Variants in YEATS2 observed in about 807,000 individuals in gnomAD.
YEATS2 encodes YEATS domain-containing protein 2.
A neutral mutation model predicts 163.2 loss-of-function variants in YEATS2; 77 were observed. The ratio of observed to expected loss-of-function variants is 0.47; its 90% CI spans 0.39 to 0.57. The LOEUF (loss-of-function observed/expected upper bound fraction) is 0.57, where lower values mean the gene tolerates loss of function less well. YEATS2 is among the 20% of genes least tolerant of loss of function. The pLI is 0.00. For synonymous variants in YEATS2, 631 were observed against 645.1 expected (o/e 0.98, Z 0.33); for missense variants, 1,549 against 1,729.8 (o/e 0.90, Z 1.85).
At chr3:183,807,931 A>G (rs2108540390) in intron 28 of YEATS2, 99 bp from the exon 29 acceptor site, 1 of 970,194 alleles carries the variant, frequency 1.0e-6, no homozygotes, top group Admixed American at 2.3e-5. Context: ...CCTCCTTCCA[A>G]CCAGGCATCG....
intron 1 of YEATS2, among the ~76,000 whole-genome samples, chr3:183,707,864 C>CG (rs2108986538): frequency 6.6e-6 from 1 of 151,662 alleles, no homozygotes; most frequent in African/African-American, 2.4e-5. Context: ...TTGGTAGAGA[C>CG]GGGGTTTCAC....
intron 8 of YEATS2, among the ~76,000 whole-genome samples, chr3:183,738,366 A>G (rs1718570552): frequency 5.9e-5 from 9 of 151,422 alleles, no homozygotes; most frequent in Admixed American, 5.9e-4. Flanking sequence ...CCAAACAGCC[A>G]AGTTGTAAAT....
chr3:183,725,065 A>G (rs1013293972), intron 6 of YEATS2, among the ~76,000 whole-genome samples: 20 of 27,432 alleles, frequency 7.3e-4, no homozygotes, highest in Admixed American at 1.6e-3. Context: ...TTTTTTTTTT[A>G]TCGTTTTATT....
intron 7 of YEATS2, among the ~76,000 whole-genome samples, chr3:183,731,253 C>T (rs1323512107): frequency 2.0e-5 from 3 of 147,118 alleles, no homozygotes; most frequent in Non-Finnish European, 4.4e-5. Context: ...GAGCCAAGAT[C>T]GTGCCACTGC....
chr3:183,792,666 C>T (rs926547529), intron 21 of YEATS2, among the ~76,000 whole-genome samples: 2 of 152,042 alleles, frequency 1.3e-5, no homozygotes, highest in Non-Finnish European at 2.9e-5. Flanking sequence ...TACAGGCACC[C>T]GCCCTCATGC....
chr3:183,709,444 C>T (rs1482331854), intron 1 of YEATS2, among the ~76,000 whole-genome samples: 2 of 149,696 alleles, frequency 1.3e-5, no homozygotes, highest in East Asian at 2.1e-4. Flanking sequence ...AGGAGATTCT[C>T]GTGCCTCAGC....
At chr3:183,791,187 C>T (rs1373352007) in intron 21 of YEATS2, among the ~76,000 whole-genome samples, 2 of 152,222 alleles carry the variant, frequency 1.3e-5, no homozygotes, top group East Asian at 3.9e-4. Flanking sequence ...GCACATGTCA[C>T]CACACCCAGC....
chr3:183,745,322 C>T (rs1353403888), intron 8 of YEATS2, among the ~76,000 whole-genome samples: 2 of 152,172 alleles, frequency 1.3e-5, no homozygotes, highest in Admixed American at 6.5e-5. Flanking sequence ...TGTTAAAGTG[C>T]GAATGCCCCC....
intron 15 of YEATS2, among the ~76,000 whole-genome samples, chr3:183,770,641 A>G (rs1369804239): frequency 6.6e-6 from 1 of 152,216 alleles, no homozygotes; most frequent in East Asian, 1.9e-4. Flanking sequence ...AGAGGCAACA[A>G]GCACTGTCAT....
chr3:183,741,472 ACC>A lies in YEATS2; in HGVS notation c.924+4644_924+4645del. On this transcript the variant is annotated intron_variant, in intron 8 of 30. Transcript: ENST00000305135. ...AAATATTGTTGCTCATTGATAATTC[ACC>A]TGGTCACTTAAGAGCTCTGATGAGA... is the stretch of plus-strand genomic sequence containing the variant. Among the ~76,000 whole-genome samples, 2 of 152,252 alleles carry A rather than the reference ACC, an allele frequency of 1.3e-5. 1 individual carries two copies. The highest frequency in any genetic ancestry group is 4.1e-4 in the South Asian group (2 of 4,822).
intron 1 of YEATS2, among the ~76,000 whole-genome samples, chr3:183,713,948 GTGCCCACCATTA>G (rs1715540261): frequency 6.6e-6 from 1 of 151,934 alleles, no homozygotes. Flanking sequence ...GGGACTGCAG[GTGCCCACCATTA>G]TGCCCAGCTA....
intron 5 of YEATS2, among the ~76,000 whole-genome samples, chr3:183,724,030 TATTTCTC>T (rs1477914440): frequency 3.9e-5 from 6 of 152,228 alleles, no homozygotes; most frequent in African/African-American, 1.4e-4. Flanking sequence ...ACCAGGCACT[TATTTCTC>T]ATTGAACAGT....
At chr3:183,761,679 T>G in intron 14 of YEATS2, 65 bp downstream of exon 14, 1 of 1,406,684 alleles carries the variant, frequency 7.1e-7, no homozygotes, top group Non-Finnish European at 1.0e-6. Context: ...TGGAGTTCAT[T>G]GCCACTACCC....
intron 10 of YEATS2, 143 bp from the exon 11 acceptor site, chr3:183,753,983 G>A: frequency 9.5e-7 from 1 of 1,048,336 alleles, no homozygotes; most frequent in Non-Finnish European, 1.3e-6. Context: ...AATATGAAGG[G>A]ATGATTGATT....
Position 183,711,922 on chromosome 3 carries a change from C to T in YEATS2, c.-19-3222C>T, listed in dbSNP as rs371488332. On this transcript the variant is annotated intron_variant, in intron 1 of 30. Coordinates refer to ENST00000305135, the MANE Select transcript of YEATS2 (RefSeq NM_018023.5). ...GCAGCCTCCATTTCCCGGGTTCAAG[C>T]GATTCTCCTGCCTCAGCCTCCTGAG... 1.9e-4 allele frequency among the ~76,000 whole-genome samples: 28 copies of T among 151,346 alleles called. 1 individual carries two copies. The highest frequency in any genetic ancestry group is 8.6e-4 in the Admixed American group (13 of 15,154).
chr3:183,725,102 A>G (rs1313241802), intron 6 of YEATS2, among the ~76,000 whole-genome samples: 2 of 127,748 alleles, frequency 1.6e-5, no homozygotes, highest in Non-Finnish European at 3.2e-5. Context: ...TAGCCAGGGG[A>G]CCTAGGTATC....
At chr3:183,721,358 A>G (rs13080010) in intron 4 of YEATS2, among the ~76,000 whole-genome samples, 1 of 152,224 alleles carries the variant, frequency 6.6e-6, no homozygotes, top group Non-Finnish European at 1.5e-5. Flanking sequence ...ATAACAGAAT[A>G]CACTGTATTT....
chr3:183,758,232 C>G (rs830169), intron 12 of YEATS2, among the ~76,000 whole-genome samples: 62,193 of 151,882 alleles, frequency 0.41, 13,416 homozygotes, highest in East Asian at 0.65. Context: ...TAGCGCGTGC[C>G]TGTAGTCCCA....
intron 15 of YEATS2, among the ~76,000 whole-genome samples, chr3:183,765,422 T>G (rs1721806046): frequency 6.6e-6 from 1 of 152,118 alleles, no homozygotes; most frequent in Non-Finnish European, 1.5e-5. Context: ...ATGGTAAATG[T>G]AAGGTTGGAG....
Sources: gnomAD v4.1 joint callset for allele counts (sites outside exome capture counted in the v4.1 genomes callset) on GRCh38, gnomAD v4.1.1 for gene constraint, MANE v1.5 for transcripts, NCBI Gene and HGNC (gene_info 2026-07-23, HGNC 2026-07-21) for gene names.